The following ARHGEF9 variants were observed in gnomAD, a reference collection of about 807,000 sequenced individuals.
The protein encoded by ARHGEF9 is rho guanine nucleotide exchange factor 9.
In ARHGEF9, 2 loss-of-function variants were observed where a neutral mutation model predicts 41.3. The ratio of observed to expected loss-of-function variants is 0.05; its 90% CI spans 0.02 to 0.15. ARHGEF9 has a LOEUF of 0.15. ARHGEF9 is among the 10% of genes least tolerant of loss of function. The pLI, the probability that ARHGEF9 is intolerant of heterozygous loss-of-function variation, is 1.00. For synonymous variants in ARHGEF9, 160 were observed against 154.4 expected, an observed-to-expected ratio of 1.04 and a Z score of -0.27; for missense variants, 225 against 424.7, an observed-to-expected ratio of 0.53 and a Z score of 4.13.
chrX:63,772,753 C>G (rs1366213597), intron 1 of ARHGEF9, among the ~76,000 whole-genome samples: 1 of 110,843 alleles, frequency 9.0e-6, no homozygotes, highest in Non-Finnish European at 1.9e-5. Context: ...TGAGCTGGTC[C>G]CTGCCTTACT....
chrX:63,772,189 G>T (rs1224896157), intron 1 of ARHGEF9, among the ~76,000 whole-genome samples: 2 of 111,995 alleles, frequency 1.8e-5, no homozygotes, highest in African/African-American at 6.5e-5. Context: ...AAACCTAGGG[G>T]TCATCTTCCT....
chrX:63,708,738 TTCATTAAA>T (rs1190251168), intron 2 of ARHGEF9, among the ~76,000 whole-genome samples: 1 of 112,196 alleles, frequency 8.9e-6, no homozygotes, highest in Non-Finnish European at 1.9e-5. Context: ...GATTCATTCA[TTCATTAAA>T]TCTATGCCAA....
chrX:63,675,952 C>G (rs1313254284), intron 5 of ARHGEF9, among the ~76,000 whole-genome samples: 3 of 111,882 alleles, frequency 2.7e-5, no homozygotes, highest in African/African-American at 9.8e-5. Flanking sequence ...GGTCACTAGT[C>G]TGCTTAATCT....
chrX:63,645,191 T>C (rs1249166323), intron 8 of ARHGEF9, among the ~76,000 whole-genome samples: 1 of 111,171 alleles, frequency 9.0e-6, no homozygotes, highest in African/African-American at 3.3e-5. Context: ...CAGTTGAGAC[T>C]TTATTCAAAG....
intron 1 of ARHGEF9, chrX:63,732,251 A>T (rs1395412193): frequency 9.0e-6 from 1 of 110,840 alleles, no homozygotes; most frequent in Non-Finnish European, 1.9e-5. Flanking sequence ...GTTCTCGCTC[A>T]CCTCCAGTCC....
intron 1 of ARHGEF9, among the ~76,000 whole-genome samples, chrX:63,744,434 TGAG>T (rs2055144412): frequency 8.9e-6 from 1 of 112,000 alleles, no homozygotes; most frequent in Non-Finnish European, 1.9e-5. Flanking sequence ...GCTTCCACAA[TGAG>T]GAGATTAGAA....
intron 4 of ARHGEF9, among the ~76,000 whole-genome samples, chrX:63,685,292 T>TA (rs1326814667): frequency 1.8e-5 from 2 of 110,875 alleles, no homozygotes; most frequent in Non-Finnish European, 3.8e-5. Flanking sequence ...CAATGAAAAC[T>TA]AAAAAACAAT....
chrX:63,658,315 T>C (rs782151070), intron 7 of ARHGEF9, among the ~76,000 whole-genome samples: 8 of 111,753 alleles, frequency 7.2e-5, no homozygotes, highest in Non-Finnish European at 1.1e-4. Context: ...AATGTAAAGA[T>C]GTGATAGGAA....
At chrX:63,730,352 C>G (rs1344033356) in intron 1 of ARHGEF9, among the ~76,000 whole-genome samples, 1 of 111,928 alleles carries the variant, frequency 8.9e-6, no homozygotes, top group African/African-American at 3.2e-5. Flanking sequence ...ACAAGTAACC[C>G]ACAGTTACCC....
intron 7 of ARHGEF9, among the ~76,000 whole-genome samples, chrX:63,660,567 A>T (rs1358209395): frequency 1.8e-5 from 2 of 111,554 alleles, no homozygotes; most frequent in East Asian, 2.8e-4. Flanking sequence ...AAAAACAGAA[A>T]TTTTTCCAGG....
intron 1 of ARHGEF9, chrX:63,766,937 AAAG>A: frequency 4.4e-6 from 2 of 456,710 alleles, no homozygotes; most frequent in Non-Finnish European, 7.9e-6. Context: ...CTGCTCACAG[AAAG>A]AAGGAGGTGG....
chrX:63,696,268 C>A (rs1422307162), intron 4 of ARHGEF9, among the ~76,000 whole-genome samples: 1 of 111,491 alleles, frequency 9.0e-6, no homozygotes, highest in African/African-American at 3.3e-5. Flanking sequence ...ATATTAAGTG[C>A]ACATATTAAA....
chrX:63,720,365 A>C (rs1556413001), intron 2 of ARHGEF9, among the ~76,000 whole-genome samples: 1 of 112,210 alleles, frequency 8.9e-6, no homozygotes. Flanking sequence ...GTCACTAAAC[A>C]AATGGACAAC....
At chrX:63,778,821 T>C (rs185050704) in intron 1 of ARHGEF9, among the ~76,000 whole-genome samples, 39 of 112,133 alleles carry the variant, frequency 3.5e-4, no homozygotes, top group African/African-American at 1.3e-3. Flanking sequence ...GAATCACCTT[T>C]GCTCCAGTTC....
intron 1 of ARHGEF9, chrX:63,755,127 C>A (rs1556445624): frequency 2.6e-5 from 24 of 937,578 alleles, no homozygotes; most frequent in Non-Finnish European, 2.9e-5. Context: ...CCCCATCCCC[C>A]GCTCAGCCCA....
rs1260404377 is a variant in ARHGEF9, at chrX:63,636,132, G to A, written c.*1896C>T. ...GGGCAATGCCTGGTCTGGATCAGGAGGCATAGAGCAGTAAACATGCTAGCT... is the reference window on the plus strand; with the variant it reads ...GGGCAATGCCTGGTCTGGATCAGGAAGCATAGAGCAGTAAACATGCTAGCT... On this transcript the variant is annotated 3_prime_UTR_variant, in exon 10 of 10. Coordinates refer to ENST00000671741, the MANE Select transcript of ARHGEF9 (RefSeq NM_001353921.2). The A allele has an allele frequency of 3.6e-5, 4 of 111,991 alleles. No homozygotes were observed. Among genetic ancestry groups the A allele is most frequent in the African/African-American group, 1.3e-4 (4 of 30,782 alleles). 9.2% of individuals were successfully genotyped at this position (111,991 alleles called of 1,213,427 possible). A position where few individuals can be genotyped will look rare whatever the true frequency, so the allele number is the denominator to read the frequency against.
At chrX:63,711,953 G>A (rs1488631516) in intron 2 of ARHGEF9, among the ~76,000 whole-genome samples, 3 of 112,077 alleles carry the variant, frequency 2.7e-5, no homozygotes, top group Admixed American at 1.9e-4. Context: ...GCTTAAAAAT[G>A]GGCAAAATAT....
chrX:63,784,667 G>A (rs1317248930), intron 1 of ARHGEF9, among the ~76,000 whole-genome samples: 2 of 111,315 alleles, frequency 1.8e-5, no homozygotes, highest in African/African-American at 3.3e-5. Context: ...GGGGCAGGGG[G>A]GAGTCATGCA....
chrX:63,717,884 A>T lies in ARHGEF9; in HGVS notation c.210+6648T>A, dbSNP rs72623440. On this transcript the variant is annotated intron_variant, in intron 2 of 9. Transcript: ENST00000671741. Reference sequence around the variant, plus strand: ...AATAAATGGAAAGGCTCTGATTCTAATCCAGAAAGATTATCTCCAGAGCCA... The same window carrying T: ...AATAAATGGAAAGGCTCTGATTCTATTCCAGAAAGATTATCTCCAGAGCCA... Among the ~76,000 whole-genome samples, 47 of 111,694 alleles carry T rather than the reference A, an allele frequency of 4.2e-4. No individual in the cohort carries two copies. The East Asian group carries it at 0.012, about 30-fold the overall frequency.
Sources: gnomAD v4.1 joint callset for allele counts (sites outside exome capture counted in the v4.1 genomes callset) on GRCh38, gnomAD v4.1.1 for gene constraint, MANE v1.5 for transcripts, NCBI Gene and HGNC (gene_info 2026-07-23, HGNC 2026-07-21) for gene names.